INTS1: variants seen among roughly 807,000 people sequenced by gnomAD.
INTS1 encodes integrator complex subunit 1.
A neutral mutation model predicts 241.6 loss-of-function variants in INTS1; 137 were observed. The ratio of observed to expected loss-of-function variants is 0.57; its 90% CI spans 0.49 to 0.65. The LOEUF (loss-of-function observed/expected upper bound fraction) is 0.65. Ranked by LOEUF, INTS1 falls within the 30% of genes least tolerant of loss-of-function variation. The pLI is 0.00. For missense variants in INTS1, 3,073 were observed against 3,032.2 expected, an observed-to-expected ratio of 1.01 and a Z score of -0.32; for synonymous variants, 1,692 against 1,337.8, an observed-to-expected ratio of 1.26 and a Z score of -5.78.
At position 1,486,755 on chromosome 7, in the gene INTS1, TG is replaced by T; in HGVS notation, c.2845del (p.Gln949SerfsTer43). On this transcript the variant is annotated frameshift_variant, in exon 22 of 48. Transcript: ENST00000404767. LOFTEE classifies it high-confidence loss of function. ...KKRQRQQKQRQLLGRLQDLLL... is the reference protein window; with the variant it reads ...KKRQRQQKQRXLLGRLQDLLL... ...CAGGTCCTGCAGGCGGCCCAGCAGC[TG>T]CCGCTGCTTCTGTTGCCTCTGCAGG... 2 of 1,612,322 alleles carry T rather than the reference TG, an allele frequency of 1.2e-6. No homozygotes were observed. The highest frequency in any genetic ancestry group is 1.7e-6 in the Non-Finnish European group (2 of 1,179,702).
chr7:1,503,590 A>T lies in INTS1; in HGVS notation c.58+313T>A, dbSNP rs184121797. On this transcript the variant is annotated intron_variant, in intron 2 of 47. Transcript: ENST00000404767. ...ATCTGAGCCGACAGTTCAGCCGCAG[A>T]CCCCGTGCTACGCTACACTGTGCTG... is the stretch of plus-strand genomic sequence containing the variant. 1.5e-3 allele frequency among the ~76,000 whole-genome samples: 227 copies of T among 152,198 alleles called. 2 individuals are homozygous for T. The highest frequency in any genetic ancestry group is 5.2e-3 in the African/African-American group (215 of 41,526).
At chr7:1,496,087 G>A in intron 12 of INTS1, 69 bp downstream of exon 12, 1 of 1,264,988 alleles carries the variant, frequency 7.9e-7, no homozygotes, top group Non-Finnish European at 1.1e-6. Context: ...CAGCCTCGGA[G>A]AGCCGCCAGC....
intron 35 of INTS1, 21 bp downstream of exon 35, chr7:1,477,529 C>G: frequency 6.7e-7 from 1 of 1,492,146 alleles, no homozygotes; most frequent in Non-Finnish European, 8.9e-7. Context: ...GGTCCCCGTG[C>G]TGAAGCTGGG....
In INTS1 at chr7:1,486,778, CAGGG is replaced by C. The variant is rs1487822907; in HGVS notation, c.2827-8_2827-5del. 1.1e-5 allele frequency: 18 copies of C among 1,611,922 alleles called. No homozygotes were observed. Among genetic ancestry groups the C allele is most frequent in the Non-Finnish European group, 1.5e-5 (18 of 1,179,648 alleles). On this transcript the variant is annotated splice_region_variant and splice_polypyrimidine_tract_variant and intron_variant, in intron 21 of 47. Coordinates refer to ENST00000404767, the MANE Select transcript of INTS1 (RefSeq NM_001080453.3). Reference sequence around the variant, plus strand: ...GCTGCCGCTGCTTCTGTTGCCTCTGCAGGGAGGAAGGGGCTCTCAGGGGTGCAGG... The same window carrying C: ...GCTGCCGCTGCTTCTGTTGCCTCTGCAGGAAGGGGCTCTCAGGGGTGCAGG...
At chr7:1,494,466 G>A (rs933278978) in intron 14 of INTS1, 9 of 382,440 alleles carry the variant, frequency 2.4e-5, no homozygotes, top group South Asian at 1.2e-4. Flanking sequence ...GACAGTGTGC[G>A]GCTGTCTGGA....
intron 44 of INTS1, 39 bp downstream of exon 44, chr7:1,472,234 G>A: frequency 1.4e-6 from 2 of 1,459,908 alleles, no homozygotes; most frequent in Non-Finnish European, 1.9e-6. Flanking sequence ...TGGGACCCAG[G>A]GCGCTGACCT....
intron 17 of INTS1, 92 bp from the exon 18 acceptor site, chr7:1,489,496 C>T: frequency 6.5e-7 from 1 of 1,540,590 alleles, no homozygotes; most frequent in Admixed American, 1.9e-5. Context: ...TCATCCCCAG[C>T]TGGGCTCATC....
Position 1,503,889 on chromosome 7 carries a change from G to A in INTS1, c.58+14C>T. On this transcript the variant is annotated intron_variant, in intron 2 of 47. Coordinates refer to ENST00000404767, the MANE Select transcript of INTS1 (RefSeq NM_001080453.3). ...CAAAGACCCCCGGGCTGCAGAGCGA[G>A]GAGGGAGACGCACCTGAGGGTTTGG... The A allele has an allele frequency of 5.9e-6, 9 of 1,521,850 alleles. No homozygotes were observed. The highest frequency in any genetic ancestry group is 2.4e-5 in the South Asian group (2 of 84,240). 94.3% of individuals were successfully genotyped at this position (1,521,850 alleles called of 1,614,324 possible). A position where few individuals can be genotyped will look rare whatever the true frequency, so the allele number is the denominator to read the frequency against.
chr7:1,492,261 A>T (rs1782589660), intron 16 of INTS1, among the ~76,000 whole-genome samples: 1 of 152,204 alleles, frequency 6.6e-6, no homozygotes, highest in Non-Finnish European at 1.5e-5. Flanking sequence ...GCCCTCAGCC[A>T]CGAGGAGGAC....
chr7:1,480,999 C>T, intron 28 of INTS1, 66 bp from the exon 29 acceptor site: 2 of 1,211,516 alleles, frequency 1.7e-6, no homozygotes, highest in Non-Finnish European at 2.4e-6. Context: ...CTTCCCTCTC[C>T]ACAGAAACCA....
At position 1,470,930 on chromosome 7, in the gene INTS1, A is replaced by G. The variant is rs1274858891; in HGVS notation, c.6373T>C (p.Phe2125Leu). 2 of 1,577,572 alleles carry G rather than the reference A, an allele frequency of 1.3e-6. No individual in the cohort carries two copies. Among genetic ancestry groups the G allele is most frequent in the South Asian group, 2.3e-5 (2 of 86,286 alleles). ...PSIAAAFLPTFMYCLGSQDFE... is the reference protein window; with the variant it reads ...PSIAAAFLPTLMYCLGSQDFE... ...TCCTGGCTGCCCAGGCAGTACATGA[A>G]CGTGGGCAGGAAAGCGGCTGCAATG... The change falls in exon 47 of 48, where the codon TTC (phenylalanine) becomes CTC (leucine). Residue 2125 changes from phenylalanine to leucine, a missense_variant. Phe to Leu is a conservative substitution (Grantham distance 22, BLOSUM62 0). Coordinates refer to ENST00000404767, the MANE Select transcript of INTS1 (RefSeq NM_001080453.3).
Position 1,503,918 on chromosome 7 carries a change from C to T in INTS1, c.43G>A (p.Ala15Thr). The change falls in exon 2 of 48, where the codon GCG (alanine) becomes ACG (threonine). Residue 15 changes from alanine (A) to threonine (T), a missense_variant. Transcript: ENST00000404767. Reference protein sequence around the residue: ...KPTTVRRPSAAAKPSGHPPPG... With the variant: ...KPTTVRRPSATAKPSGHPPPG... Reference sequence around the variant, plus strand: ...GGAGACGCACCTGAGGGTTTGGCCGCGGCGCTGGGCCGGCGCACCGTGGTG... The same window carrying T: ...GGAGACGCACCTGAGGGTTTGGCCGTGGCGCTGGGCCGGCGCACCGTGGTG... 1 of 1,566,880 alleles carries T rather than the reference C, an allele frequency of 6.4e-7. No homozygotes were observed. The highest frequency in any genetic ancestry group is 8.6e-7 in the Non-Finnish European group (1 of 1,157,568).
chr7:1,475,623 C>T (rs1212984692), intron 39 of INTS1, among the ~76,000 whole-genome samples: 2 of 152,168 alleles, frequency 1.3e-5, no homozygotes, highest in African/African-American at 2.4e-5. Context: ...CACGAGTCCC[C>T]AGCAGCTGTC....
Position 1,493,084 on chromosome 7 carries a change from C to T in INTS1, c.2091G>A (p.Gly697=), listed in dbSNP as rs200709166. The change falls in exon 16 of 48, where the codon GGG becomes GGA. Residue 697 remains glycine, a synonymous_variant. Coordinates refer to ENST00000404767, the MANE Select transcript of INTS1 (RefSeq NM_001080453.3). This position sits in a 1 kb window ranked among gnomAD's most constrained non-coding sequence, Gnocchi z 5.3. ...QADDVEVLKV[G]RTQLIDAVLN... ...GAACGGCGTCGATCAGCTGGGTCCT[C>T]CCCACCTTCAGCACCTCCACATCTA... is the stretch of plus-strand genomic sequence containing the variant. The T allele has an allele frequency of 3.1e-6, 5 of 1,613,480 alleles. No homozygotes were observed. In the East Asian group the frequency reaches 1.1e-4, roughly 36 times the overall value.
At chr7:1,480,694 C>A in intron 29 of INTS1, 141 bp downstream of exon 29, 1 of 760,156 alleles carries the variant, frequency 1.3e-6, no homozygotes, top group Non-Finnish European at 2.1e-6. Flanking sequence ...TCTGTGGGGG[C>A]CCCTCTCAGG....
intron 41 of INTS1, 93 bp downstream of exon 41, chr7:1,474,075 T>C (rs1584257252): frequency 7.3e-7 from 1 of 1,361,400 alleles, no homozygotes; most frequent in South Asian, 1.5e-5. Flanking sequence ...GCTGCAGAGG[T>C]CCTCCCAGTC....
At position 1,503,238 on chromosome 7, in the gene INTS1, G is replaced by A. The variant is rs748482752; in HGVS notation, c.59-47C>T. The A allele has an allele frequency of 3.3e-5, 50 of 1,499,704 alleles. 2 individuals are homozygous for A. The highest frequency in any genetic ancestry group is 2.4e-4 in the South Asian group (18 of 74,634). 92.9% of individuals were successfully genotyped at this position (1,499,704 alleles called of 1,614,324 possible). ...AACCGGGCACATTTGCAACACCCAA[G>A]ATGGAAAAAGACTGACTCTAACCTC... On this transcript the variant is annotated intron_variant, in intron 2 of 47. Transcript: ENST00000404767.
intron 10 of INTS1, 46 bp downstream of exon 10, chr7:1,498,366 C>A (rs2128543818): frequency 1.2e-6 from 2 of 1,607,796 alleles, no homozygotes; most frequent in East Asian, 2.2e-5. Context: ...CAGCCCAGAG[C>A]CCCATATTCC....
intron 2 of INTS1, among the ~76,000 whole-genome samples, chr7:1,503,437 T>G (rs1473380658): frequency 1.3e-5 from 2 of 152,130 alleles, no homozygotes; most frequent in African/African-American, 4.8e-5. Context: ...ATTAGTGTGC[T>G]TAGTAACCCC....
Sources: allele counts gnomAD v4.1 joint callset (sites outside exome capture counted in the v4.1 genomes callset), GRCh38; gene constraint gnomAD v4.1.1; non-coding constraint Gnocchi (gnomAD v3.1); transcripts MANE v1.5; gene names NCBI Gene and HGNC (gene_info 2026-07-23, HGNC 2026-07-21).